NPAT: variants seen among roughly 807,000 people sequenced by gnomAD.
NPAT encodes the protein protein NPAT.
In NPAT, 52 loss-of-function variants were observed where a neutral mutation model predicts 130.7. The observed-to-expected ratio is 0.40, with a 90% confidence interval of 0.32 to 0.50. The LOEUF (loss-of-function observed/expected upper bound fraction) is 0.50, where lower values mean the gene tolerates loss of function less well. Among genes scored for constraint, NPAT ranks in the 20% least tolerant of loss-of-function variants. The pLI, the probability that NPAT is intolerant of heterozygous loss-of-function variation, is 0.68. For synonymous variants in NPAT, 580 were observed against 584.8 expected (o/e 0.99, Z 0.12); for missense variants, 1,687 against 1,662.6 (o/e 1.01, Z -0.26).
In NPAT at chr11:108,172,556, T is replaced by C. The variant is rs769131892; in HGVS notation, c.2428A>G (p.Met810Val). ...TTGAATGTTAAAAGACTCTGTTCCATTGAGGCTGAATCCCCTACTTCGGCA... is the reference window on the plus strand; with the variant it reads ...TTGAATGTTAAAAGACTCTGTTCCACTGAGGCTGAATCCCCTACTTCGGCA... ...VYAEVGDSASMEQSLLTFKSE... is the reference protein window; with the variant it reads ...VYAEVGDSASVEQSLLTFKSE... Residue 810 changes from methionine to valine, a missense_variant, in exon 13 of 18, where the codon ATG becomes GTG. Physicochemically the swap from Met to Val is conservative, Grantham distance 21. This residue lies in a region of NPAT where 1,379 missense variants were observed against 1,346.6 expected (regional missense o/e 1.02). Coordinates refer to ENST00000278612, the MANE Select transcript of NPAT (RefSeq NM_002519.3). 31 of 1,614,202 alleles carry C rather than the reference T, an allele frequency of 1.9e-5. No homozygotes were observed. In the East Asian group the frequency reaches 5.8e-4, roughly 30 times the overall value.
intron 15 of NPAT, among the ~76,000 whole-genome samples, chr11:108,169,199 T>C (rs1276993661): frequency 6.6e-6 from 1 of 152,144 alleles, no homozygotes; most frequent in Non-Finnish European, 1.5e-5. Context: ...AAACAGATGG[T>C]TGGGACAATG....
At position 108,172,498 on chromosome 11, in the gene NPAT, T is replaced by C. The variant is rs1037731326; in HGVS notation, c.2486A>G (p.Asn829Ser). The change falls in exon 13 of 18, where the codon AAT becomes AGT. Residue 829 changes from asparagine to serine, a missense_variant. Around this residue, in one of 3 missense-constraint regions of NPAT, gnomAD observed 1,379 missense variants for 1,346.6 expected, o/e 1.02. Coordinates refer to ENST00000278612, the MANE Select transcript of NPAT (RefSeq NM_002519.3). ...SEDSAVNNTQ[N>S]EDGIAFSANV... Reference sequence around the variant, plus strand: ...AGCTGAAAAAGCAATGCCATCTTCATTCTGAGTATTGTTTACTGCAGAGTC... The same window carrying C: ...AGCTGAAAAAGCAATGCCATCTTCACTCTGAGTATTGTTTACTGCAGAGTC... 2.5e-6 allele frequency: 4 copies of C among 1,614,232 alleles called. No homozygotes were observed. Among genetic ancestry groups the C allele is most frequent in the Admixed American group, 1.7e-5 (1 of 60,032 alleles).
intron 17 of NPAT, among the ~76,000 whole-genome samples, chr11:108,160,269 G>C (rs1486503376): frequency 6.6e-6 from 1 of 152,012 alleles, no homozygotes; most frequent in Non-Finnish European, 1.5e-5. Flanking sequence ...GCTGCAGTGA[G>C]CCAAGATCGT....
rs201003057 is a variant in NPAT at position 108,179,860 on chromosome 11, G to A, written c.907-2770C>T. Among the ~76,000 whole-genome samples the A allele has an allele frequency of 3.3e-5, 5 of 152,234 alleles. No homozygotes were observed. The East Asian group carries it at 9.7e-4, about 29-fold the overall frequency. On this transcript the variant is annotated intron_variant, in intron 10 of 17. Transcript: ENST00000278612. ...AGCTTCATGAGGTTAAACAGCCCAT[G>A]ATTTCTTGGATTGACACTAAAAGCT...
chr11:108,210,249 T>C (rs2078371957), intron 1 of NPAT, among the ~76,000 whole-genome samples: 2 of 152,146 alleles, frequency 1.3e-5, no homozygotes, highest in South Asian at 4.1e-4. Context: ...GACCCTCATG[T>C]AGTTTAGATG....
intron 5 of NPAT, 77 bp from the exon 6 acceptor site, chr11:108,189,407 A>T (rs2134863101): frequency 8.5e-7 from 1 of 1,181,806 alleles, no homozygotes; most frequent in Non-Finnish European, 1.3e-6. Flanking sequence ...ATATGATGCA[A>T]CCTATTATAT....
In NPAT at chr11:108,170,040, G is replaced by C. The variant is rs1189743941; in HGVS notation, c.2789C>G (p.Ser930Cys). ...GACTGGAGAGGCAATTATTATGGCA[G>C]ATCCTAAAAAAACAATTCTTGTTAA... ...QAVSPNFSQG[S>C]AIIIASPVQP... The change falls in exon 14 of 18, where the codon TCT becomes TGT. Residue 930 changes from serine to cysteine, a missense_variant. Ser to Cys is a moderately radical substitution (Grantham distance 112, BLOSUM62 -1). Coordinates refer to ENST00000278612, the MANE Select transcript of NPAT (RefSeq NM_002519.3). The C allele has an allele frequency of 3.8e-6, 6 of 1,595,300 alleles. No homozygotes were observed. The highest frequency in any genetic ancestry group is 1.1e-5 in the South Asian group (1 of 90,682).
intron 1 of NPAT, among the ~76,000 whole-genome samples, chr11:108,201,353 A>G (rs2078274190): frequency 6.6e-6 from 1 of 152,202 alleles, no homozygotes; most frequent in African/African-American, 2.4e-5. Flanking sequence ...ATCACATAAT[A>G]AAGGAGACTC....
At chr11:108,190,522 T>G (rs1369463556) in intron 4 of NPAT, 22 bp from the exon 5 acceptor site, 26 of 1,610,684 alleles carry the variant, frequency 1.6e-5, no homozygotes, top group Non-Finnish European at 1.9e-5. Flanking sequence ...AACAAAGTAG[T>G]TATCCATCAA....
rs957617682 is a variant in NPAT at position 108,174,676 on chromosome 11, C to A, written c.1133-825G>T. Among the ~76,000 whole-genome samples, 3 of 144,118 alleles carry A rather than the reference C, an allele frequency of 2.1e-5. No individual in the cohort carries two copies. The East Asian group carries it at 6.2e-4, about 30-fold the overall frequency. The allele number at this position is 144,118 out of a possible 152,430, so 94.5% of individuals were successfully genotyped here. On this transcript the variant is annotated intron_variant, in intron 12 of 17. Transcript: ENST00000278612. The stretch of plus-strand genomic sequence containing the variant: ...TCGCCCAGGCTGGAGTGCAGCGGTG[C>A]GATTCTCAGCTCACTGCAGCCTCTG...
intron 1 of NPAT, among the ~76,000 whole-genome samples, chr11:108,208,265 A>C (rs1161859835): frequency 6.6e-6 from 1 of 152,194 alleles, no homozygotes; most frequent in African/African-American, 2.4e-5. Flanking sequence ...TATTAAGACA[A>C]ATATTGTTAC....
At chr11:108,193,551 C>T (rs578207286) in intron 3 of NPAT, among the ~76,000 whole-genome samples, 2 of 152,128 alleles carry the variant, frequency 1.3e-5, no homozygotes, top group South Asian at 4.1e-4. Context: ...CATGGAGAAA[C>T]CCTGGCTCTA....
chr11:108,197,516 A>T, intron 1 of NPAT, 96 bp from the exon 2 acceptor site: 1 of 831,222 alleles, frequency 1.2e-6, no homozygotes, highest in South Asian at 1.4e-5. Flanking sequence ...TGATGTCACA[A>T]TTGAAACCTT....
Position 108,172,334 on chromosome 11 carries a change from G to T in NPAT, c.2650C>A (p.Gln884Lys), listed in dbSNP as rs373745107. The stretch of plus-strand genomic sequence containing the variant: ...CCAGGCAACACCACTACATTAGACT[G>T]ACTTACAGATGTTCCTAACGCTGTT... ...DPTALGTSVS[Q>K]SNVVVLPGNS... The change falls in exon 13 of 18, where the codon CAG becomes AAG. Residue 884 changes from glutamine (Q) to lysine (K), a missense_variant. Gln to Lys is a moderately conservative substitution (Grantham distance 53). Coordinates refer to ENST00000278612, the MANE Select transcript of NPAT (RefSeq NM_002519.3). The T allele has an allele frequency of 1.1e-5, 18 of 1,614,066 alleles. No homozygotes were observed. The highest frequency in any genetic ancestry group is 1.5e-5 in the Non-Finnish European group (18 of 1,180,046).
At chr11:108,186,449 T>C (rs1330289374) in intron 8 of NPAT, 33 bp downstream of exon 8, 1 of 1,529,464 alleles carries the variant, frequency 6.5e-7, no homozygotes, top group Non-Finnish European at 9.1e-7. Flanking sequence ...CTCAGGAATA[T>C]TTTAAGTTGC....
At chr11:108,168,849 G>A (rs2077924318) in intron 15 of NPAT, among the ~76,000 whole-genome samples, 1 of 152,080 alleles carries the variant, frequency 6.6e-6, no homozygotes, top group South Asian at 2.1e-4. Context: ...TTGTACAAAG[G>A]GTCCATGCTG....
intron 15 of NPAT, among the ~76,000 whole-genome samples, chr11:108,166,293 G>A (rs2077902179): frequency 6.6e-6 from 1 of 152,088 alleles, no homozygotes; most frequent in Admixed American, 6.6e-5. Context: ...AAGGGAGGCT[G>A]AGACAGAAGA....
At chr11:108,191,639 G>A (rs1180098024) in intron 4 of NPAT, among the ~76,000 whole-genome samples, 3 of 152,152 alleles carry the variant, frequency 2.0e-5, no homozygotes, top group Non-Finnish European at 2.9e-5. Context: ...AAGAGACTAT[G>A]GTTTTCATAA....
intron 12 of NPAT, among the ~76,000 whole-genome samples, chr11:108,174,622 T>G (rs1387169482): frequency 6.6e-6 from 1 of 150,406 alleles, no homozygotes; most frequent in Admixed American, 6.6e-5. Flanking sequence ...TTCCTTTTTT[T>G]TTTTTTTTTG....
Sources: gnomAD v4.1 joint callset for allele counts (sites outside exome capture counted in the v4.1 genomes callset) on GRCh38, gnomAD v4.1.1 for gene constraint, gnomAD v4.1.1 regional missense constraint, MANE v1.5 for transcripts, NCBI Gene and HGNC (gene_info 2026-07-23, HGNC 2026-07-21) for gene names.